NXPE2: variants seen among roughly 807,000 people sequenced by gnomAD.
NXPE2 encodes neurexophilin and PC-esterase domain family member 2, also known as NXPE family member 2.
NXPE2 carries 34 observed loss-of-function variants against 34.4 expected under a neutral mutation model. That is an observed-to-expected ratio of 0.99 (90% CI 0.75 to 1.31). The LOEUF is 1.31. Among genes scored for constraint, NXPE2 ranks in the 40% most tolerant of loss-of-function variants. NXPE2 has a pLI of 0.00. For synonymous variants in NXPE2, 235 were observed against 231.3 expected (o/e 1.02, Z -0.15); for missense variants, 649 against 672.5 (o/e 0.97, Z 0.39).
the NXPE2 span, chr11:114,528,931 A>G: frequency 2.0e-6 from 1 of 496,904 alleles, no homozygotes; most frequent in Non-Finnish European, 3.7e-6. Flanking sequence ...GTACCATCAG[A>G]GATAAAAGGG....
the NXPE2 span, among the ~76,000 whole-genome samples, chr11:114,586,388 A>G: frequency 6.6e-6 from 1 of 152,200 alleles, no homozygotes; most frequent in Non-Finnish European, 1.5e-5. Context: ...GGGGGAGTAT[A>G]GAAGTGGACC....
chr11:114,522,012 C>T, the NXPE2 span: 6 of 1,613,578 alleles, frequency 3.7e-6, no homozygotes, highest in Non-Finnish European at 5.1e-6. Flanking sequence ...TTTCCAATCA[C>T]ATGATCAGGT....
the NXPE2 span, among the ~76,000 whole-genome samples, chr11:114,639,409 C>T: frequency 6.6e-6 from 1 of 151,908 alleles, no homozygotes; most frequent in Admixed American, 6.6e-5. Flanking sequence ...TCCCTGACCC[C>T]TTGCGCTTCC....
chr11:114,662,365 G>T, the NXPE2 span, among the ~76,000 whole-genome samples: 1 of 152,106 alleles, frequency 6.6e-6, no homozygotes, highest in Non-Finnish European at 1.5e-5. Flanking sequence ...AGCCAGAGGG[G>T]AATTACCCAT....
chr11:114,727,251 G>C, the NXPE2 span, among the ~76,000 whole-genome samples: 1 of 152,062 alleles, frequency 6.6e-6, no homozygotes, highest in Non-Finnish European at 1.5e-5. Context: ...TGAGATCAGG[G>C]TGTCAGCATG....
the NXPE2 span, among the ~76,000 whole-genome samples, chr11:114,464,416 GT>G: frequency 2.1e-3 from 327 of 152,200 alleles, 5 homozygotes; most frequent in Non-Finnish European, 2.9e-4. Flanking sequence ...GTTTGACTTA[GT>G]TTTTTGACAT....
At chr11:114,702,493 T>G (rs896206399) in intron 3 of NXPE2, among the ~76,000 whole-genome samples, 1 of 152,188 alleles carries the variant, frequency 6.6e-6, no homozygotes, top group Non-Finnish European at 1.5e-5. Context: ...ATAGGTCTGA[T>G]GGGATCCTCA....
intron 3 of NXPE2, among the ~76,000 whole-genome samples, chr11:114,700,576 T>C (rs1188002768): frequency 1.3e-5 from 2 of 152,174 alleles, no homozygotes; most frequent in Non-Finnish European, 2.9e-5. Context: ...AGAAGTCATC[T>C]ATGTCTGTCA....
At chr11:114,680,692 G>C (rs945616965) in intron 2 of NXPE2, among the ~76,000 whole-genome samples, 1 of 152,098 alleles carries the variant, frequency 6.6e-6, no homozygotes, top group Non-Finnish European at 1.5e-5. Flanking sequence ...GCAGATTCCT[G>C]AGCCATACTC....
the NXPE2 span, chr11:114,529,031 T>C: frequency 2.4e-6 from 1 of 408,428 alleles, no homozygotes; most frequent in Non-Finnish European, 4.4e-6. Flanking sequence ...TGAGGTAAGA[T>C]TCTGGAATGC....
the NXPE2 span, among the ~76,000 whole-genome samples, chr11:114,803,821 G>A: frequency 1.3e-4 from 20 of 151,924 alleles, no homozygotes; most frequent in Admixed American, 4.6e-4. Context: ...CTCGTGATCC[G>A]CCCACCTCGG....
chr11:114,704,097 C>A, intron 4 of NXPE2, 45 bp downstream of exon 4: 1 of 1,351,294 alleles, frequency 7.4e-7, no homozygotes, highest in Non-Finnish European at 1.0e-6. Context: ...AATTTATCCA[C>A]GGAAAGGACA....
At chr11:114,669,584 T>C in the NXPE2 span, among the ~76,000 whole-genome samples, 1 of 152,074 alleles carries the variant, frequency 6.6e-6, no homozygotes, top group Non-Finnish European at 1.5e-5. Flanking sequence ...GGACTGAGAA[T>C]ACCAAGCTCC....
chr11:114,663,618 T>TA, the NXPE2 span, among the ~76,000 whole-genome samples: 62 of 95,358 alleles, frequency 6.5e-4, 1 homozygote, highest in Admixed American at 7.2e-3. Flanking sequence ...TCTATCTATC[T>TA]ATCTATCTAT....
intron 4 of NXPE2, among the ~76,000 whole-genome samples, chr11:114,704,897 C>T (rs569997805): frequency 1.2e-4 from 18 of 152,236 alleles, no homozygotes; most frequent in Middle Eastern, 6.8e-3. Context: ...CTTTTATTTC[C>T]CTCTTGCCTG....
At chr11:114,514,091 T>C in the NXPE2 span, among the ~76,000 whole-genome samples, 1 of 152,070 alleles carries the variant, frequency 6.6e-6, no homozygotes, top group Non-Finnish European at 1.5e-5. Context: ...ACATATGTTT[T>C]CTTTTTTACA....
chr11:114,555,749 T>C, the NXPE2 span, among the ~76,000 whole-genome samples: 1 of 152,230 alleles, frequency 6.6e-6, no homozygotes, highest in Non-Finnish European at 1.5e-5. Context: ...GATTTCTTTT[T>C]CTAGAGTTTC....
At chr11:114,811,400 A>T in the NXPE2 span, among the ~76,000 whole-genome samples, 1 of 152,110 alleles carries the variant, frequency 6.6e-6, no homozygotes, top group African/African-American at 2.4e-5. Context: ...CACACACAAA[A>T]AAAAGGTAGG....
chr11:114,537,150 C>G, the NXPE2 span, among the ~76,000 whole-genome samples: 1 of 151,968 alleles, frequency 6.6e-6, no homozygotes, highest in South Asian at 2.1e-4. Flanking sequence ...AAATGTAATC[C>G]AGCATATAAA....
Sources: allele counts gnomAD v4.1 joint callset (sites outside exome capture counted in the v4.1 genomes callset), GRCh38; gene constraint gnomAD v4.1.1; transcripts MANE v1.5; gene names NCBI Gene and HGNC (gene_info 2026-07-23, HGNC 2026-07-21).